Variants in PIK3R4 observed in about 807,000 individuals in gnomAD.
The protein encoded by PIK3R4 is phosphoinositide-3-kinase regulatory subunit 4, also known as phosphoinositide 3-kinase regulatory subunit 4.
A neutral mutation model predicts 136.5 loss-of-function variants in PIK3R4; 46 were observed. The ratio of observed to expected loss-of-function variants is 0.34; its 90% CI spans 0.27 to 0.43. PIK3R4 has a LOEUF of 0.43. Ranked by LOEUF, PIK3R4 falls within the 20% of genes least tolerant of loss-of-function variation. PIK3R4 has a pLI of 1.00. For synonymous variants in PIK3R4, 557 were observed against 566.7 expected, an observed-to-expected ratio of 0.98 and a Z score of 0.24; for missense variants, 1,331 against 1,649.5, an observed-to-expected ratio of 0.81 and a Z score of 3.35.
intron 3 of PIK3R4, among the ~76,000 whole-genome samples, 163 bp from the exon 4 acceptor site, chr3:130,734,293 T>C (rs572070598): frequency 1.3e-5 from 2 of 152,326 alleles, no homozygotes; most frequent in East Asian, 1.9e-4. Flanking sequence ...AAAAATTATA[T>C]ACAAATATAT....
chr3:130,713,449 C>T (rs1312776297), intron 9 of PIK3R4, among the ~76,000 whole-genome samples: 2 of 152,192 alleles, frequency 1.3e-5, no homozygotes, highest in East Asian at 1.9e-4. Flanking sequence ...CACCCAGTAA[C>T]GGGGGCTGGC....
intron 14 of PIK3R4, among the ~76,000 whole-genome samples, chr3:130,690,182 G>C (rs2066508427): frequency 1.3e-5 from 2 of 152,090 alleles, no homozygotes; most frequent in Admixed American, 1.3e-4. Context: ...GTAATTTTAG[G>C]TTATTCAGAC....
Position 130,737,768 on chromosome 3 carries a change from T to A in PIK3R4, c.734-1766A>T, listed in dbSNP as rs146568056. 2.3e-3 allele frequency among the ~76,000 whole-genome samples: 357 copies of A among 152,324 alleles called. 1 individual carries two copies. The highest frequency in any genetic ancestry group is 8.1e-3 in the African/African-American group (335 of 41,566). On this transcript the variant is annotated intron_variant, in intron 2 of 19. Coordinates refer to ENST00000356763, the MANE Select transcript of PIK3R4 (RefSeq NM_014602.3). ...ATCAGAACACTTCCATTAGCCTACA[T>A]TTGGGCAAACACATCTAACTCAAAG...
chr3:130,691,461 CCT>C (rs2066517990), intron 13 of PIK3R4, among the ~76,000 whole-genome samples: 1 of 152,288 alleles, frequency 6.6e-6, no homozygotes, highest in South Asian at 2.1e-4. Flanking sequence ...CATATGCTGA[CCT>C]CTCAAGCTGT....
intron 2 of PIK3R4, among the ~76,000 whole-genome samples, chr3:130,738,715 G>C (rs982864368): frequency 3.3e-5 from 5 of 150,678 alleles, no homozygotes; most frequent in African/African-American, 9.7e-5. Context: ...GATGAGGACT[G>C]TCACAAGGAC....
intron 2 of PIK3R4, among the ~76,000 whole-genome samples, chr3:130,742,529 G>A (rs2066829820): frequency 6.6e-6 from 1 of 152,134 alleles, no homozygotes; most frequent in South Asian, 2.1e-4. Context: ...TTCTAACCTT[G>A]TTATACTGTA....
chr3:130,735,384 T>G (rs2066780717), intron 3 of PIK3R4, among the ~76,000 whole-genome samples: 2 of 152,216 alleles, frequency 1.3e-5, no homozygotes, highest in Admixed American at 1.3e-4. Flanking sequence ...TCTGCTATAC[T>G]AATTTGTGCT....
intron 2 of PIK3R4, among the ~76,000 whole-genome samples, chr3:130,741,197 A>G (rs146928907): frequency 2.4e-4 from 36 of 152,314 alleles, no homozygotes; most frequent in African/African-American, 7.9e-4. Flanking sequence ...AAGAGGTAAT[A>G]AGGGTGTGCC....
intron 13 of PIK3R4, among the ~76,000 whole-genome samples, chr3:130,691,905 C>T: frequency 7.9e-6 from 1 of 126,712 alleles, no homozygotes; most frequent in East Asian, 2.6e-4. Flanking sequence ...GACAGAGTCT[C>T]ACTCTGTCAC....
At chr3:130,688,043 A>G (rs1019765325) in intron 14 of PIK3R4, among the ~76,000 whole-genome samples, 3 of 152,106 alleles carry the variant, frequency 2.0e-5, no homozygotes, top group African/African-American at 7.2e-5. Flanking sequence ...ACACATCTAT[A>G]TTTCTGCATC....
intron 15 of PIK3R4, among the ~76,000 whole-genome samples, chr3:130,685,533 A>C (rs1332699083): frequency 6.6e-6 from 1 of 152,212 alleles, no homozygotes; most frequent in Non-Finnish European, 1.5e-5. Flanking sequence ...CAAACACTAG[A>C]AACAACTCAG....
At chr3:130,693,289 A>C (rs2066528832) in intron 13 of PIK3R4, among the ~76,000 whole-genome samples, 1 of 152,204 alleles carries the variant, frequency 6.6e-6, no homozygotes, top group Admixed American at 6.5e-5. Flanking sequence ...TTGTGTGAAC[A>C]TATGTTTTCA....
At chr3:130,713,155 C>T (rs192466997) in intron 9 of PIK3R4, among the ~76,000 whole-genome samples, 2 of 152,124 alleles carry the variant, frequency 1.3e-5, no homozygotes, top group African/African-American at 2.4e-5. Context: ...TTCAAAAAAC[C>T]GGAAGCTGGT....
At chr3:130,720,175 T>A (rs866666141) in intron 7 of PIK3R4, among the ~76,000 whole-genome samples, 20 of 152,144 alleles carry the variant, frequency 1.3e-4, no homozygotes, top group Admixed American at 6.5e-5. Flanking sequence ...GAACTGCCTA[T>A]GAAATAGCAT....
At chr3:130,701,020 G>A (rs1005709631) in intron 13 of PIK3R4, among the ~76,000 whole-genome samples, 5 of 152,114 alleles carry the variant, frequency 3.3e-5, no homozygotes, top group Admixed American at 1.3e-4. Flanking sequence ...TATCTGAAAT[G>A]TGATACCAAA....
At chr3:130,679,905 G>A (rs551173829) in intron 19 of PIK3R4, among the ~76,000 whole-genome samples, 4 of 151,924 alleles carry the variant, frequency 2.6e-5, no homozygotes, top group Non-Finnish European at 5.9e-5. Context: ...GTGAAACCCC[G>A]TCTCTACTAA....
chr3:130,714,510 T>C (rs2066651463), intron 9 of PIK3R4, among the ~76,000 whole-genome samples: 1 of 152,196 alleles, frequency 6.6e-6, no homozygotes, highest in African/African-American at 2.4e-5. Context: ...CAAAACAGGA[T>C]ACATGTGCAG....
intron 13 of PIK3R4, among the ~76,000 whole-genome samples, chr3:130,695,470 T>C (rs2066540930): frequency 6.6e-6 from 1 of 152,168 alleles, no homozygotes; most frequent in Admixed American, 6.5e-5. Context: ...TGCACCATTC[T>C]GAGTAGTGTG....
chr3:130,735,118 TC>T (rs1474203246), intron 3 of PIK3R4, among the ~76,000 whole-genome samples: 2 of 152,192 alleles, frequency 1.3e-5, no homozygotes, highest in African/African-American at 4.8e-5. Context: ...AGTGCACTGT[TC>T]AATAAATATG....
Sources: gnomAD v4.1 joint callset for allele counts (sites outside exome capture counted in the v4.1 genomes callset) on GRCh38, gnomAD v4.1.1 for gene constraint, MANE v1.5 for transcripts, NCBI Gene and HGNC (gene_info 2026-07-23, HGNC 2026-07-21) for gene names.